ALOX5: variants seen among roughly 807,000 people sequenced by gnomAD.
ALOX5 encodes polyunsaturated fatty acid 5-lipoxygenase.
Under a neutral mutation model 87.9 loss-of-function variants are expected in ALOX5, and 64 were observed. That is an observed-to-expected ratio of 0.73 (90% CI 0.60 to 0.90). The LOEUF (loss-of-function observed/expected upper bound fraction) is 0.90. ALOX5 is among the 40% of genes least tolerant of loss of function. The pLI is 0.00. For synonymous variants in ALOX5, 388 were observed against 355.1 expected, an observed-to-expected ratio of 1.09 and a Z score of -1.04; for missense variants, 822 against 907.5, an observed-to-expected ratio of 0.91 and a Z score of 1.21.
At chr10:45,393,426 A>G (rs1469386133) in intron 2 of ALOX5, among the ~76,000 whole-genome samples, 2 of 152,226 alleles carry the variant, frequency 1.3e-5, no homozygotes, top group African/African-American at 2.4e-5. Context: ...AAAACTCTCA[A>G]TAAATTAGGT....
At chr10:45,385,362 T>G (rs1258629302) in intron 2 of ALOX5, among the ~76,000 whole-genome samples, 1 of 152,194 alleles carries the variant, frequency 6.6e-6, no homozygotes, top group African/African-American at 2.4e-5. Flanking sequence ...ACAGCTTCAT[T>G]AAGGCACTGT....
rs544552859 is a variant in ALOX5 at position 45,375,614 on chromosome 10, A to G, written c.150+1185A>G. On this transcript the variant is annotated intron_variant, in intron 1 of 13. Transcript: ENST00000374391. Reference sequence around the variant, plus strand: ...TGTTTCAACTGATTACTCTTGGATAAAATTTGTGTTTTAGGTGTGCAGAGC... The same window carrying G: ...TGTTTCAACTGATTACTCTTGGATAGAATTTGTGTTTTAGGTGTGCAGAGC... Among the ~76,000 whole-genome samples the G allele has an allele frequency of 1.8e-3, 275 of 152,362 alleles. 1 individual carries two copies. Among genetic ancestry groups the G allele is most frequent in the South Asian group, 2.9e-3 (14 of 4,830 alleles).
chr10:45,413,619 A>C (rs1841155373), intron 4 of ALOX5, among the ~76,000 whole-genome samples: 1 of 152,252 alleles, frequency 6.6e-6, no homozygotes, highest in African/African-American at 2.4e-5. Context: ...AAGGAAATAA[A>C]GGGTATTCAA....
In ALOX5 at chr10:45,436,632, A is replaced by G. The variant is rs527583148; in HGVS notation, c.982-3798A>G. On this transcript the variant is annotated intron_variant, in intron 7 of 13. Coordinates refer to ENST00000374391, the MANE Select transcript of ALOX5 (RefSeq NM_000698.5). ...TCTGTGCCTATTTTTGTACCAGTAT[A>G]CCATGCTGTTTTTGTTACTGTAGTC... Among the ~76,000 whole-genome samples, 9 of 152,236 alleles carry G rather than the reference A, an allele frequency of 5.9e-5. No individual in the cohort carries two copies. The South Asian group carries it at 1.9e-3, about 32-fold the overall frequency.
chr10:45,441,883 T>G (rs1004980974), intron 9 of ALOX5, among the ~76,000 whole-genome samples: 2 of 151,536 alleles, frequency 1.3e-5, no homozygotes, highest in Non-Finnish European at 2.9e-5. Context: ...CTCCAGGCCC[T>G]GCCCAGCCCT....
chr10:45,441,593 C>A, intron 9 of ALOX5, 163 bp downstream of exon 9: 1 of 641,898 alleles, frequency 1.6e-6, no homozygotes, highest in Non-Finnish European at 2.6e-6. Flanking sequence ...CCAGCCCGTG[C>A]CATTCAGCCA....
intron 2 of ALOX5, among the ~76,000 whole-genome samples, chr10:45,392,864 A>AAG (rs1289585638): frequency 6.6e-6 from 1 of 152,228 alleles, no homozygotes; most frequent in Non-Finnish European, 1.5e-5. Context: ...AAAAATGGAT[A>AAG]AATTCCTCGA....
At chr10:45,384,703 T>C (rs1301086670) in intron 2 of ALOX5, among the ~76,000 whole-genome samples, 3 of 152,160 alleles carry the variant, frequency 2.0e-5, no homozygotes, top group Admixed American at 2.0e-4. Flanking sequence ...GCCTGGAAAC[T>C]GGCACACTGT....
intron 3 of ALOX5, among the ~76,000 whole-genome samples, chr10:45,408,632 G>C (rs936873878): frequency 6.6e-6 from 1 of 152,132 alleles, no homozygotes; most frequent in East Asian, 1.9e-4. Flanking sequence ...GATCAGTTGT[G>C]CCTGAATTCC....
At chr10:45,400,085 C>A (rs1179026461) in intron 3 of ALOX5, among the ~76,000 whole-genome samples, 2 of 152,142 alleles carry the variant, frequency 1.3e-5, no homozygotes, top group African/African-American at 4.8e-5. Context: ...TTAGTGGTTC[C>A]TCAAAATCTG....
intron 2 of ALOX5, among the ~76,000 whole-genome samples, chr10:45,389,309 C>G (rs1398914871): frequency 6.6e-6 from 1 of 152,140 alleles, no homozygotes; most frequent in African/African-American, 2.4e-5. Flanking sequence ...CCTAGCAAGG[C>G]AGGCCAACAT....
Position 45,443,766 on chromosome 10 carries a change from G to A in ALOX5, c.1612G>A (p.Glu538Lys), listed in dbSNP as rs774090194. Reference sequence around the variant, plus strand: ...GGTCAAGAGCCGGGAGCAGCTGTCGGAGTACCTGACCGTGGTGATCTTCAC... The same window carrying A: ...GGTCAAGAGCCGGGAGCAGCTGTCGAAGTACCTGACCGTGGTGATCTTCAC... ...KSVKSREQLS[E>K]YLTVVIFTAS... Residue 538 changes from glutamate (E) to lysine (K), a missense_variant, in exon 12 of 14, where the codon GAG becomes AAG. Glu to Lys is a moderately conservative substitution (Grantham distance 56). Coordinates refer to ENST00000374391, the MANE Select transcript of ALOX5 (RefSeq NM_000698.5). The A allele has an allele frequency of 6.2e-7, 1 of 1,612,324 alleles. No individual in the cohort carries two copies. The highest frequency in any genetic ancestry group is 2.2e-5 in the East Asian group (1 of 44,798).
intron 12 of ALOX5, 80 bp from the exon 13 acceptor site, chr10:45,444,036 A>T: frequency 6.8e-7 from 1 of 1,467,660 alleles, no homozygotes; most frequent in Non-Finnish European, 9.1e-7. Flanking sequence ...GTTGGGGGGC[A>T]CGGGGAGGAC....
intron 7 of ALOX5, among the ~76,000 whole-genome samples, chr10:45,431,365 G>C (rs2132825290): frequency 6.6e-6 from 1 of 151,894 alleles, no homozygotes; most frequent in East Asian, 1.9e-4. Flanking sequence ...CAGGGAAGAT[G>C]ATCTTTTCTG....
At chr10:45,379,325 C>T (rs995152945) in intron 1 of ALOX5, among the ~76,000 whole-genome samples, 3 of 152,168 alleles carry the variant, frequency 2.0e-5, no homozygotes, top group African/African-American at 4.8e-5. Context: ...AGCTACTTCC[C>T]CTGCAGCAGC....
chr10:45,389,488 T>A (rs1028706116), intron 2 of ALOX5, among the ~76,000 whole-genome samples: 4 of 152,106 alleles, frequency 2.6e-5, no homozygotes, highest in African/African-American at 7.2e-5. Context: ...GACTAACAGC[T>A]GATCTCTCGG....
At position 45,386,670 on chromosome 10, in the gene ALOX5, A is replaced by G. The variant is rs147080556; in HGVS notation, c.349+3989A>G. Among the ~76,000 whole-genome samples the G allele has an allele frequency of 4.6e-5, 7 of 152,270 alleles. No homozygotes were observed. In the East Asian group the frequency reaches 1.3e-3, roughly 29 times the overall value. The stretch of plus-strand genomic sequence containing the variant: ...AATTTTTATTATATTTTACAAAAAT[A>G]TAATAATCTGTGTTGAAAAGTAAGT... On this transcript the variant is annotated intron_variant, in intron 2 of 13. Transcript: ENST00000374391.
rs576749094 is a variant in ALOX5 at position 45,376,138 on chromosome 10, G to A, written c.150+1709G>A. 7.9e-5 allele frequency among the ~76,000 whole-genome samples: 12 copies of A among 152,224 alleles called. No individual in the cohort carries two copies. In the South Asian group the frequency reaches 1.5e-3, roughly 18 times the overall value. On this transcript the variant is annotated intron_variant, in intron 1 of 13. Coordinates refer to ENST00000374391, the MANE Select transcript of ALOX5 (RefSeq NM_000698.5). ...GGGGACATGATAACGTGGCCATAGC[G>A]GGCTCTTCGGACAAAGAGTGAAGGC...
chr10:45,377,287 C>T (rs951921182), intron 1 of ALOX5, among the ~76,000 whole-genome samples: 1 of 151,824 alleles, frequency 6.6e-6, no homozygotes, highest in Non-Finnish European at 1.5e-5. Flanking sequence ...ACCCTCAATC[C>T]GTCTCTCATC....
Sources: allele counts gnomAD v4.1 joint callset (sites outside exome capture counted in the v4.1 genomes callset), GRCh38; gene constraint gnomAD v4.1.1; transcripts MANE v1.5; gene names NCBI Gene and HGNC (gene_info 2026-07-23, HGNC 2026-07-21).